The following ACTN1 variants were observed in gnomAD, a reference collection of about 807,000 sequenced individuals.
ACTN1 encodes actinin alpha 1.
In ACTN1, 30 loss-of-function variants were observed where a neutral mutation model predicts 119.6. That is an observed-to-expected ratio of 0.25 (90% CI 0.19 to 0.34). The LOEUF is 0.34. ACTN1 is among the 10% of genes least tolerant of loss of function. The pLI is 1.00. For synonymous variants in ACTN1, 429 were observed against 472.6 expected (o/e 0.91, Z 1.20); for missense variants, 764 against 1,223.4 (o/e 0.62, Z 5.60).
rs2031292827 is a variant in ACTN1 at position 68,879,531 on chromosome 14, G to A, written c.2280+431C>T. Among the ~76,000 whole-genome samples the A allele has an allele frequency of 6.6e-6, 1 of 152,176 alleles. No individual in the cohort carries two copies. Among genetic ancestry groups the A allele is most frequent in the African/African-American group, 2.4e-5 (1 of 41,440 alleles). ...ACCCAGCCTGACCCAGAGCTGGGAT[G>A]GGAACCCAGGACCAAGGCCTCTGAC... is the stretch of plus-strand genomic sequence containing the variant. On this transcript the variant is annotated intron_variant, in intron 18 of 21. Transcript: ENST00000394419. The surrounding 1 kb of genome is among the most constrained non-coding windows in gnomAD (Gnocchi z 4.9).
intron 1 of ACTN1, among the ~76,000 whole-genome samples, chr14:68,941,063 G>A (rs2035748120): frequency 6.6e-6 from 1 of 152,148 alleles, no homozygotes; most frequent in Non-Finnish European, 1.5e-5. Flanking sequence ...AACTGCTTTT[G>A]GGGACTTGGG....
chr14:68,885,608 G>A lies in ACTN1; in HGVS notation c.1235-33C>T. Reference sequence around the variant, plus strand: ...GAGAGAGGGCCACATGGCTGAGCTGGAGTGAGAAGCATCTCCTTGGTCCCA... The same window carrying A: ...GAGAGAGGGCCACATGGCTGAGCTGAAGTGAGAAGCATCTCCTTGGTCCCA... On this transcript the variant is annotated intron_variant, in intron 11 of 21. Transcript: ENST00000394419. The surrounding 1 kb of genome is among the most constrained non-coding windows in gnomAD (Gnocchi z 5.6). 1 of 1,604,932 alleles carries A rather than the reference G, an allele frequency of 6.2e-7. No individual in the cohort carries two copies. The highest frequency in any genetic ancestry group is 8.5e-7 in the Non-Finnish European group (1 of 1,177,912).
intron 1 of ACTN1, among the ~76,000 whole-genome samples, chr14:68,949,030 G>T (rs2036040087): frequency 6.6e-6 from 1 of 152,236 alleles, no homozygotes; most frequent in African/African-American, 2.4e-5. Flanking sequence ...CAGGCATCAG[G>T]ACAGGAGCTC....
chr14:68,952,870 C>T lies in ACTN1; in HGVS notation c.105+26082G>A, dbSNP rs190643779. 3.3e-5 allele frequency among the ~76,000 whole-genome samples: 5 copies of T among 152,236 alleles called. No individual in the cohort carries two copies. In the East Asian group the frequency reaches 7.7e-4, roughly 24 times the overall value. ...ATGGAAAGTGTGGATGGAGCAGCCC[C>T]CAGGAGGGCCTGACACCCAAGCAGG... On this transcript the variant is annotated intron_variant, in intron 1 of 21. Transcript: ENST00000394419.
chr14:68,892,044 A>G lies in ACTN1; in HGVS notation c.1086+9T>C. 1 of 1,612,632 alleles carries G rather than the reference A, an allele frequency of 6.2e-7. No homozygotes were observed. The highest frequency in any genetic ancestry group is 1.1e-5 in the South Asian group (1 of 91,002). On this transcript the variant is annotated intron_variant, in intron 10 of 21. Transcript: ENST00000394419. ...AGTCTGGGGGCCCAGGCTCACCCCC[A>G]GTGCTCACCGAGACCATCCTGCCCT...
Position 68,879,503 on chromosome 14 carries a change from A to T in ACTN1, c.2281-434T>A, listed in dbSNP as rs576653779. Among the ~76,000 whole-genome samples, 285 of 152,280 alleles carry T rather than the reference A, an allele frequency of 1.9e-3. 3 individuals carry two copies. Among genetic ancestry groups the T allele is most frequent in the African/African-American group, 6.4e-3 (264 of 41,554 alleles). On this transcript the variant is annotated intron_variant, in intron 18 of 21. Coordinates refer to ENST00000394419, the MANE Select transcript of ACTN1 (RefSeq NM_001130004.2). This position sits in a 1 kb window ranked among gnomAD's most constrained non-coding sequence, Gnocchi z 4.9. ...GGGCACTGGGAAGGGGCAGCCCACTAAAACCCAGCCTGACCCAGAGCTGGG... is the reference window on the plus strand; with the variant it reads ...GGGCACTGGGAAGGGGCAGCCCACTTAAACCCAGCCTGACCCAGAGCTGGG...
intron 1 of ACTN1, among the ~76,000 whole-genome samples, chr14:68,958,747 T>A (rs371228283): frequency 2.0e-5 from 3 of 152,166 alleles, no homozygotes; most frequent in African/African-American, 7.2e-5. Flanking sequence ...ATGGAAGAAT[T>A]ATTAGCAGAG....
Position 68,880,197 on chromosome 14 carries a change from A to G in ACTN1, c.2134-89T>C, listed in dbSNP as rs2031364070. Reference sequence around the variant, plus strand: ...CCCATCCTACTCCCCAACCATCAAAATGGCCAAAGCCATCAAACTTGGCCT... The same window carrying G: ...CCCATCCTACTCCCCAACCATCAAAGTGGCCAAAGCCATCAAACTTGGCCT... On this transcript the variant is annotated intron_variant, in intron 17 of 21. Transcript: ENST00000394419. The surrounding 1 kb of genome is among the most constrained non-coding windows in gnomAD (Gnocchi z 4.6). 1 of 1,513,880 alleles carries G rather than the reference A, an allele frequency of 6.6e-7. No homozygotes were observed. The highest frequency in any genetic ancestry group is 8.9e-7 in the Non-Finnish European group (1 of 1,122,002). The allele number at this position is 1,513,880 out of a possible 1,614,324, so 93.8% of individuals were successfully genotyped here. A position where few individuals can be genotyped will look rare whatever the true frequency, so the allele number is the denominator to read the frequency against.
Position 68,882,681 on chromosome 14 carries a change from G to C in ACTN1, c.1819-89C>G, listed in dbSNP as rs1018592361. 2.7e-5 allele frequency: 43 copies of C among 1,577,770 alleles called. No homozygotes were observed. Among genetic ancestry groups the C allele is most frequent in the Non-Finnish European group, 3.4e-5 (39 of 1,157,258 alleles). On this transcript the variant is annotated intron_variant, in intron 15 of 21. Coordinates refer to ENST00000394419, the MANE Select transcript of ACTN1 (RefSeq NM_001130004.2). The surrounding 1 kb of genome is among the most constrained non-coding windows in gnomAD (Gnocchi z 4.5). ...GGAAATGGAGGACCCAGAAGGGGAA[G>C]GGCCGGTCAGTAACAGAACAGGAGT...
intron 1 of ACTN1, among the ~76,000 whole-genome samples, chr14:68,953,384 G>GC (rs1258185921): frequency 6.6e-6 from 1 of 152,126 alleles, no homozygotes; most frequent in Non-Finnish European, 1.5e-5. Context: ...CCTGAGCCAT[G>GC]CATCAGCCTC....
intron 3 of ACTN1, among the ~76,000 whole-genome samples, chr14:68,913,043 G>T (rs2034096232): frequency 6.6e-6 from 1 of 152,148 alleles, no homozygotes; most frequent in Non-Finnish European, 1.5e-5. Context: ...CCATCAGTTT[G>T]GGTATTAAAA....
intron 1 of ACTN1, among the ~76,000 whole-genome samples, chr14:68,933,510 G>T (rs949929351): frequency 6.6e-6 from 1 of 152,166 alleles, no homozygotes; most frequent in African/African-American, 2.4e-5. Context: ...CTACCCAGAA[G>T]AAAACATGGC....
At chr14:68,884,936 C>T in intron 12 of ACTN1, 53 bp from the exon 13 acceptor site, 1 of 1,437,228 alleles carries the variant, frequency 7.0e-7, no homozygotes, top group Non-Finnish European at 9.8e-7. Context: ...TTTCATGGCC[C>T]ATCTCCCTCT....
intron 9 of ACTN1, among the ~76,000 whole-genome samples, 168 bp from the exon 10 acceptor site, chr14:68,892,451 G>C (rs910143626): frequency 2.0e-5 from 3 of 152,202 alleles, no homozygotes; most frequent in Non-Finnish European, 4.4e-5. Context: ...TCAGCTTCCA[G>C]GGTGTTCCCT....
chr14:68,967,271 C>G (rs1176344491), intron 1 of ACTN1, among the ~76,000 whole-genome samples: 1 of 152,218 alleles, frequency 6.6e-6, no homozygotes, highest in East Asian at 1.9e-4. Context: ...ACCACCCAGG[C>G]CCTCAGCATC....
intron 8 of ACTN1, among the ~76,000 whole-genome samples, chr14:68,901,665 G>C (rs1230367679): frequency 6.6e-6 from 1 of 152,244 alleles, no homozygotes; most frequent in Non-Finnish European, 1.5e-5. Flanking sequence ...CTGCCTACCA[G>C]GGAGGTCTGG....
intron 3 of ACTN1, among the ~76,000 whole-genome samples, chr14:68,912,543 AT>A (rs1285346115): frequency 6.6e-6 from 1 of 151,864 alleles, no homozygotes; most frequent in Non-Finnish European, 1.5e-5. Context: ...CACCCGGCTA[AT>A]TTTTTCATTT....
chr14:68,913,397 C>CT (rs374715747), intron 3 of ACTN1, among the ~76,000 whole-genome samples: 6 of 151,710 alleles, frequency 4.0e-5, no homozygotes, highest in Non-Finnish European at 7.4e-5. Flanking sequence ...CAAAGAATAT[C>CT]TTTTTTTTTC....
At chr14:68,975,616 T>TG (rs2037035428) in intron 1 of ACTN1, among the ~76,000 whole-genome samples, 1 of 152,130 alleles carries the variant, frequency 6.6e-6, no homozygotes, top group African/African-American at 2.4e-5. Context: ...GGGAGAAAAC[T>TG]GGGGGCTGCA....
Sources: gnomAD v4.1 joint callset for allele counts (sites outside exome capture counted in the v4.1 genomes callset) on GRCh38, gnomAD v4.1.1 for gene constraint, Gnocchi (gnomAD v3.1) non-coding constraint, MANE v1.5 for transcripts, NCBI Gene and HGNC (gene_info 2026-07-23, HGNC 2026-07-21) for gene names.